ADARB1: variants seen among roughly 807,000 people sequenced by gnomAD.
ADARB1 encodes adenosine deaminase RNA specific B1, also known as double-stranded RNA-specific editase 1.
In ADARB1, 10 loss-of-function variants were observed where a neutral mutation model predicts 52.4. That is an observed-to-expected ratio of 0.19 (90% confidence interval 0.12 to 0.32). ADARB1 has a LOEUF of 0.32. ADARB1 is among the 10% of genes least tolerant of loss of function. The probability of loss-of-function intolerance (pLI) is 1.00; values close to 1 mark genes in which losing one functional copy is unlikely to be tolerated. For synonymous variants in ADARB1, 349 were observed against 371.1 expected (o/e 0.94, Z 0.68); for missense variants, 643 against 922.3 (o/e 0.70, Z 3.92).
intron 1 of ADARB1, among the ~76,000 whole-genome samples, chr21:45,106,146 TTTAATGCAATTG>T (rs1232005529): frequency 1.3e-4 from 1 of 7,426 alleles, no homozygotes; most frequent in Non-Finnish European, 5.2e-4. Flanking sequence ...TTTCTTTGCC[TTTAATGCAATTG>T]TATCTTGAGC....
At chr21:45,210,218 T>G (rs1217531324) in intron 9 of ADARB1, among the ~76,000 whole-genome samples, 1 of 152,228 alleles carries the variant, frequency 6.6e-6, no homozygotes, top group Non-Finnish European at 1.5e-5. Context: ...GAGAACAACT[T>G]TCTAGTGATT....
At chr21:45,175,481 A>T (rs1232419681) in intron 3 of ADARB1, among the ~76,000 whole-genome samples, 1 of 152,236 alleles carries the variant, frequency 6.6e-6, no homozygotes, top group Non-Finnish European at 1.5e-5. Context: ...TACTTTTTAA[A>T]GCAAAAGCAG....
chr21:45,078,748 G>A (rs1036511576), intron 1 of ADARB1, among the ~76,000 whole-genome samples: 3 of 152,188 alleles, frequency 2.0e-5, no homozygotes, highest in Non-Finnish European at 4.4e-5. Flanking sequence ...AAGCCTTAAG[G>A]GAGCCTTTCT....
At chr21:45,105,078 CGTTGT>C (rs1045380231) in intron 1 of ADARB1, among the ~76,000 whole-genome samples, 9 of 105,376 alleles carry the variant, frequency 8.5e-5, no homozygotes, top group African/African-American at 2.9e-4. Flanking sequence ...GTTGCTGCTT[CGTTGT>C]TTTGTTTTGT....
At chr21:45,165,683 G>T (rs924904890) in intron 2 of ADARB1, among the ~76,000 whole-genome samples, 2 of 152,182 alleles carry the variant, frequency 1.3e-5, no homozygotes, top group Admixed American at 1.3e-4. Context: ...TTCAAATGAT[G>T]TAAGAGGTTT....
intron 2 of ADARB1, chr21:45,144,635 A>G (rs2089916836): frequency 2.2e-6 from 1 of 454,004 alleles, no homozygotes; most frequent in African/African-American, 2.0e-5. Context: ...CTAAAGGTGG[A>G]AGAAAGAAAT....
chr21:45,143,038 T>G (rs2089814768), intron 2 of ADARB1, among the ~76,000 whole-genome samples: 1 of 152,180 alleles, frequency 6.6e-6, no homozygotes, highest in African/African-American at 2.4e-5. Flanking sequence ...AACCTCAGTC[T>G]CCTTTACTGA....
At position 45,142,720 on chromosome 21, in the gene ADARB1, C is replaced by T. The variant is rs554058270; in HGVS notation, c.-48+14147C>T. Among the ~76,000 whole-genome samples, 34 of 152,296 alleles carry T rather than the reference C, an allele frequency of 2.2e-4. No individual in the cohort carries two copies. Among genetic ancestry groups the T allele is most frequent in the African/African-American group, 5.1e-4 (21 of 41,558 alleles). On this transcript the variant is annotated intron_variant, in intron 2 of 10. Transcript: ENST00000348831. This position sits in a 1 kb window ranked among gnomAD's most constrained non-coding sequence, Gnocchi z 4.0. The stretch of plus-strand genomic sequence containing the variant: ...CTGCCTACTGGGTGTGCAGCTGCTG[C>T]GGCCTAAGCGGCGTCCTTGCTTGGT...
chr21:45,217,380 TG>T (rs2092883635), intron 9 of ADARB1, among the ~76,000 whole-genome samples: 1 of 152,100 alleles, frequency 6.6e-6, no homozygotes, highest in South Asian at 2.1e-4. Context: ...TTTGTTAATT[TG>T]GTGGTGGTTT....
chr21:45,174,071 A>T (rs190676197), intron 3 of ADARB1, among the ~76,000 whole-genome samples: 25 of 152,308 alleles, frequency 1.6e-4, no homozygotes, highest in African/African-American at 6.0e-4. Context: ...ATTCCCATGG[A>T]TGAAGCTGAT....
intron 2 of ADARB1, chr21:45,134,934 C>G: frequency 2.3e-6 from 1 of 432,838 alleles, no homozygotes; most frequent in East Asian, 6.9e-5. Context: ...AGAGCCACCT[C>G]TGCAGATGCC....
intron 1 of ADARB1, among the ~76,000 whole-genome samples, chr21:45,106,376 T>C (rs1418177449): frequency 2.0e-5 from 3 of 152,184 alleles, no homozygotes; most frequent in African/African-American, 7.2e-5. Context: ...TTGCTCTCAG[T>C]GTGTTTATCA....
chr21:45,132,859 A>G (rs73232640), intron 2 of ADARB1, among the ~76,000 whole-genome samples: 29 of 152,288 alleles, frequency 1.9e-4, no homozygotes, highest in African/African-American at 6.7e-4. Context: ...AGCAGAGTCT[A>G]CTGGATTTAG....
At chr21:45,103,732 A>G (rs1256649906) in intron 1 of ADARB1, among the ~76,000 whole-genome samples, 5 of 152,168 alleles carry the variant, frequency 3.3e-5, no homozygotes, top group Non-Finnish European at 7.4e-5. Context: ...TCTTAATAAT[A>G]GAAAATGGGT....
chr21:45,160,284 G>A (rs1371248359), intron 2 of ADARB1, among the ~76,000 whole-genome samples: 1 of 152,252 alleles, frequency 6.6e-6, no homozygotes, highest in East Asian at 1.9e-4. Flanking sequence ...GACCGAAGGA[G>A]GTGGGAGATC....
chr21:45,209,212 A>G (rs1171699607), intron 9 of ADARB1, among the ~76,000 whole-genome samples: 1 of 152,044 alleles, frequency 6.6e-6, no homozygotes, highest in Non-Finnish European at 1.5e-5. Context: ...CATCATCTTG[A>G]GTTTTAGAAA....
intron 9 of ADARB1, among the ~76,000 whole-genome samples, chr21:45,217,753 T>G (rs2092894280): frequency 6.6e-6 from 1 of 152,228 alleles, no homozygotes; most frequent in Admixed American, 6.5e-5. Context: ...AGTCTTCTGA[T>G]GATGAATTAT....
intron 2 of ADARB1, chr21:45,144,675 C>T (rs981295643): frequency 2.2e-5 from 10 of 453,050 alleles, no homozygotes; most frequent in African/African-American, 1.2e-4. Flanking sequence ...ACCATAGCTA[C>T]GTTGTGAGGG....
At chr21:45,174,040 G>A (rs555282263) in intron 3 of ADARB1, among the ~76,000 whole-genome samples, 85 of 152,258 alleles carry the variant, frequency 5.6e-4, no homozygotes, top group African/African-American at 2.0e-3. Flanking sequence ...AGCCAAGGGC[G>A]AGGACTTGGT....
Sources: gnomAD v4.1 joint callset for allele counts (sites outside exome capture counted in the v4.1 genomes callset) on GRCh38, gnomAD v4.1.1 for gene constraint, Gnocchi (gnomAD v3.1) non-coding constraint, MANE v1.5 for transcripts, NCBI Gene and HGNC (gene_info 2026-07-23, HGNC 2026-07-21) for gene names.